Variants in IFI27 observed in about 807,000 individuals in gnomAD.
IFI27 encodes the protein interferon alpha-inducible protein 27, mitochondrial.
IFI27 carries 3 observed loss-of-function variants against 8.9 expected under a neutral mutation model. The ratio of observed to expected loss-of-function variants is 0.34; its 90% CI spans 0.15 to 0.87. The LOEUF (loss-of-function observed/expected upper bound fraction) is 0.87. IFI27 is among the 40% of genes least tolerant of loss of function. The probability of loss-of-function intolerance (pLI) is 0.51; values close to 1 mark genes in which losing one functional copy is unlikely to be tolerated. For synonymous variants in IFI27, 66 were observed against 67.3 expected, an observed-to-expected ratio of 0.98 and a Z score of 0.09; for missense variants, 152 against 157.7, an observed-to-expected ratio of 0.96 and a Z score of 0.19.
chr14:94,110,950 G>A (rs1052540655), intron 1 of IFI27, 153 bp downstream of exon 1: 6 of 154,392 alleles, frequency 3.9e-5, no homozygotes, highest in Middle Eastern at 5.1e-4. Context: ...GAAGGGACTC[G>A]AGCCCCACCT....
chr14:94,113,897 G>T, intron 2 of IFI27: 1 of 154,324 alleles, frequency 6.5e-6, no homozygotes, highest in Non-Finnish European at 1.4e-5. Flanking sequence ...CTGGGAGCTG[G>T]CTGAGCTCAC....
At chr14:94,107,511 GT>G (rs1374757350), upstream of IFI27, among the ~76,000 whole-genome samples, 1 of 152,144 alleles carries the variant, frequency 6.6e-6, no homozygotes, top group Non-Finnish European at 1.5e-5. Context: ...GAGTTTCATA[GT>G]TTTGTGGCTC....
At chr14:94,112,010 C>T (rs1887211979) in intron 2 of IFI27, 5 of 592,086 alleles carry the variant, frequency 8.4e-6, no homozygotes, top group Admixed American at 5.8e-5. Context: ...CCCCTCTGGG[C>T]CCGGGCCTCC....
rs1384323402 is a variant in IFI27 at position 94,111,294 on chromosome 14, C to T, written c.-58-331C>T. Among the ~76,000 whole-genome samples the T allele has an allele frequency of 6.6e-6, 1 of 152,132 alleles. No individual in the cohort carries two copies. The highest frequency in any genetic ancestry group is 1.5e-5 in the Non-Finnish European group (1 of 68,036). On this transcript the variant is annotated intron_variant, in intron 1 of 4. Coordinates refer to ENST00000621160, the Ensembl canonical transcript of IFI27. This position sits in a 1 kb window ranked among gnomAD's most constrained non-coding sequence, Gnocchi z 4.3. ...TTAAAAATGCGATTGGTTCTGATTT[C>T]TTAGTTTTGGTGCTTTTTCAATTGC...
intron 2 of IFI27, 94 bp from the exon 3 acceptor site, chr14:94,114,757 C>A: frequency 7.3e-7 from 1 of 1,364,070 alleles, no homozygotes; most frequent in Non-Finnish European, 1.0e-6. Flanking sequence ...CAACCTGGGG[C>A]AGCCCCCTGC....
At chr14:94,114,901 C>A (rs1205395619) in intron 3 of IFI27, 21 bp downstream of exon 3, 1 of 1,612,304 alleles carries the variant, frequency 6.2e-7, no homozygotes, top group South Asian at 1.1e-5. Context: ...GGGGAAGGGG[C>A]TCAAGTAACC....
intron 2 of IFI27, among the ~76,000 whole-genome samples, chr14:94,112,682 C>T (rs1381562829): frequency 6.6e-6 from 1 of 152,272 alleles, no homozygotes; most frequent in East Asian, 1.9e-4. Context: ...TGCACTCACC[C>T]TTTGCTGACC....
In IFI27 at chr14:94,116,018, A is replaced by C; in HGVS notation, c.283+76A>C. On this transcript the variant is annotated intron_variant, in intron 4 of 4. Transcript: ENST00000621160. The surrounding 1 kb of genome is among the most constrained non-coding windows in gnomAD (Gnocchi z 4.3). ...CCTCCAAGGACCCAGTCCCAATCTC[A>C]ACCCTATGAACCTCAATCTCCCTGT... The C allele has an allele frequency of 2.4e-4, 311 of 1,290,286 alleles. No homozygotes were observed. Among genetic ancestry groups the C allele is most frequent in the Non-Finnish European group, 3.0e-4 (271 of 916,386 alleles). The allele number at this position is 1,290,286 out of a possible 1,614,324, so 79.9% of individuals were successfully genotyped here.
Position 94,111,969 on chromosome 14 carries a change from T to C in IFI27, c.91+196T>C, listed in dbSNP as rs956301004. ...CCGGGGCAGGCAGACTCTGGCCAGATGCCCAGCCCTGGGTGTTCCACAGGT... is the reference window on the plus strand; with the variant it reads ...CCGGGGCAGGCAGACTCTGGCCAGACGCCCAGCCCTGGGTGTTCCACAGGT... On this transcript the variant is annotated intron_variant, in intron 2 of 4. Coordinates refer to ENST00000621160, the Ensembl canonical transcript of IFI27. This position sits in a 1 kb window ranked among gnomAD's most constrained non-coding sequence, Gnocchi z 4.3. 3 of 629,626 alleles carry C rather than the reference T, an allele frequency of 4.8e-6. No individual in the cohort carries two copies. The highest frequency in any genetic ancestry group is 8.6e-6 in the Non-Finnish European group (3 of 348,956). The allele number at this position is 629,626 out of a possible 1,614,324, so 39.0% of individuals were successfully genotyped here. A position where few individuals can be genotyped will look rare whatever the true frequency, so the allele number is the denominator to read the frequency against.
At chr14:94,110,345 A>G (rs906501984), upstream of IFI27, among the ~76,000 whole-genome samples, 4 of 152,224 alleles carry the variant, frequency 2.6e-5, no homozygotes, top group African/African-American at 9.6e-5. Context: ...GTGGGCCTTC[A>G]GTTGAGACTT....
At position 94,111,344 on chromosome 14, in the gene IFI27, G is replaced by A. The variant is rs1051125728; in HGVS notation, c.-58-281G>A. On this transcript the variant is annotated intron_variant, in intron 1 of 4. Coordinates refer to ENST00000621160, the Ensembl canonical transcript of IFI27. The surrounding 1 kb of genome is among the most constrained non-coding windows in gnomAD (Gnocchi z 4.3). ...CTCCGTGGAGAGATAAGGGAGTCCC[G>A]GAAGTGTCTAAGACATTGGCGCTGG... is the stretch of plus-strand genomic sequence containing the variant. Among the ~76,000 whole-genome samples the A allele has an allele frequency of 2.0e-5, 3 of 152,132 alleles. No individual in the cohort carries two copies. Among genetic ancestry groups the A allele is most frequent in the African/African-American group, 7.2e-5 (3 of 41,408 alleles).
At chr14:94,109,702 C>T (rs544766854), upstream of IFI27, among the ~76,000 whole-genome samples, 3 of 152,318 alleles carry the variant, frequency 2.0e-5, no homozygotes, top group South Asian at 2.1e-4. Flanking sequence ...AGCAGGCAAA[C>T]GGGAGAGCCT....
At chr14:94,115,664 C>G in intron 3 of IFI27, 117 bp from the exon 4 acceptor site, 6 of 1,091,776 alleles carry the variant, frequency 5.5e-6, no homozygotes, top group Non-Finnish European at 7.8e-6. Flanking sequence ...CATAGTCTCT[C>G]CCAAGCTCAA....
upstream of IFI27, among the ~76,000 whole-genome samples, chr14:94,108,525 C>T (rs1486289924): frequency 6.6e-6 from 1 of 152,210 alleles, no homozygotes; most frequent in African/African-American, 2.4e-5. Context: ...GATGATGTCA[C>T]ATACATACAT....
intron 3 of IFI27, 197 bp from the exon 4 acceptor site, chr14:94,115,584 C>G (rs990976429): frequency 4.8e-6 from 3 of 623,540 alleles, no homozygotes; most frequent in Non-Finnish European, 8.4e-6. Flanking sequence ...GCCCAGTGAC[C>G]CCACTAGCTT....
At chr14:94,109,776 G>C (rs1293037049), upstream of IFI27, among the ~76,000 whole-genome samples, 1 of 152,202 alleles carries the variant, frequency 6.6e-6, no homozygotes, top group Non-Finnish European at 1.5e-5. Flanking sequence ...TTTTACCCAA[G>C]TGACTCCATT....
chr14:94,115,837 G>A (rs1389047052), exon 4 of IFI27: 1 of 1,603,220 alleles, frequency 6.2e-7, no homozygotes, highest in South Asian at 1.1e-5. Flanking sequence ...CACTGCGGCG[G>A]GAATCGCCTC....
chr14:94,116,176 C>T lies in IFI27; in HGVS notation c.283+234C>T, dbSNP rs963358385. The T allele has an allele frequency of 2.8e-6, 2 of 709,870 alleles. No individual in the cohort carries two copies. Among genetic ancestry groups the T allele is most frequent in the Non-Finnish European group, 5.1e-6 (2 of 395,312 alleles). The allele number at this position is 709,870 out of a possible 1,614,324, so 44.0% of individuals were successfully genotyped here. On this transcript the variant is annotated intron_variant, in intron 4 of 4. Coordinates refer to ENST00000621160, the Ensembl canonical transcript of IFI27. This position sits in a 1 kb window ranked among gnomAD's most constrained non-coding sequence, Gnocchi z 4.3. ...AGCAGATTTGCTGGGTTACCTGGGG[C>T]GTCTCCTCCCCTCTGGGGTGCAGCC...
At chr14:94,106,545 G>A (rs1887017640), upstream of IFI27, among the ~76,000 whole-genome samples, 1 of 152,152 alleles carries the variant, frequency 6.6e-6, no homozygotes, top group Non-Finnish European at 1.5e-5. Flanking sequence ...GCTTTGATCT[G>A]CATTTCCCTA....
Sources: gnomAD v4.1 joint callset for allele counts (sites outside exome capture counted in the v4.1 genomes callset) on GRCh38, gnomAD v4.1.1 for gene constraint, Gnocchi (gnomAD v3.1) non-coding constraint, MANE v1.5 for transcripts, NCBI Gene and HGNC (gene_info 2026-07-23, HGNC 2026-07-21) for gene names.